The following IKZF3 variants were observed in gnomAD, a reference collection of about 807,000 sequenced individuals.
IKZF3 encodes zinc finger protein Aiolos.
A neutral mutation model predicts 49.0 loss-of-function variants in IKZF3; 10 were observed. The ratio of observed to expected loss-of-function variants is 0.20; its 90% CI spans 0.13 to 0.35. The LOEUF is 0.35. Ranked by LOEUF, IKZF3 falls within the 10% of genes least tolerant of loss-of-function variation. The probability of loss-of-function intolerance (pLI) is 1.00; values close to 1 mark genes in which losing one functional copy is unlikely to be tolerated. For synonymous variants in IKZF3, 209 were observed against 228.2 expected, an observed-to-expected ratio of 0.92 and a Z score of 0.76; for missense variants, 498 against 664.8, an observed-to-expected ratio of 0.75 and a Z score of 2.76.
At chr17:39,838,452 A>T (rs1227824820) in intron 1 of IKZF3, among the ~76,000 whole-genome samples, 1 of 152,080 alleles carries the variant, frequency 6.6e-6, no homozygotes, top group Non-Finnish European at 1.5e-5. Flanking sequence ...TTAGTTCTAG[A>T]ATTTCCATTT....
chr17:39,775,048 T>C (rs2060543807), intron 7 of IKZF3, among the ~76,000 whole-genome samples: 1 of 152,192 alleles, frequency 6.6e-6, no homozygotes, highest in South Asian at 2.1e-4. Context: ...CATCACCTAT[T>C]CAGTCTCCTC....
intron 1 of IKZF3, among the ~76,000 whole-genome samples, chr17:39,837,832 C>T (rs758147242): frequency 1.1e-4 from 16 of 151,300 alleles, no homozygotes; most frequent in African/African-American, 9.7e-5. Flanking sequence ...TTAGTAGAGA[C>T]GGGGTTTCAC....
chr17:39,828,886 G>A (rs550556935), intron 3 of IKZF3, among the ~76,000 whole-genome samples: 7 of 151,954 alleles, frequency 4.6e-5, no homozygotes, highest in Admixed American at 2.0e-4. Flanking sequence ...CTGTAATCTC[G>A]GCTATTTGGG....
intron 7 of IKZF3, among the ~76,000 whole-genome samples, chr17:39,774,198 A>G (rs1490903016): frequency 6.6e-6 from 1 of 152,056 alleles, no homozygotes; most frequent in African/African-American, 2.4e-5. Context: ...ACAGTTCAAG[A>G]GGTCAGGGAA....
chr17:39,816,635 T>C (rs928096406), intron 3 of IKZF3, among the ~76,000 whole-genome samples: 7 of 152,366 alleles, frequency 4.6e-5, no homozygotes, highest in Admixed American at 3.3e-4. Flanking sequence ...ACTAGGCTCC[T>C]GGGAATATAC....
At chr17:39,796,568 T>C (rs1301287437) in intron 3 of IKZF3, among the ~76,000 whole-genome samples, 1 of 148,202 alleles carries the variant, frequency 6.7e-6, no homozygotes, top group Non-Finnish European at 1.5e-5. Flanking sequence ...TGAGTCAGAG[T>C]CTCACTCTGT....
At chr17:39,859,078 G>A (rs2063145658) in intron 1 of IKZF3, among the ~76,000 whole-genome samples, 1 of 151,508 alleles carries the variant, frequency 6.6e-6, no homozygotes, top group African/African-American at 2.4e-5. Context: ...CAAAGTGCTG[G>A]GATTACAGGT....
At chr17:39,768,515 T>C (rs2060353194) in intron 7 of IKZF3, among the ~76,000 whole-genome samples, 1 of 152,184 alleles carries the variant, frequency 6.6e-6, no homozygotes, top group Non-Finnish European at 1.5e-5. Context: ...AGTGTGGTGG[T>C]TGAGAGAATA....
chr17:39,824,240 A>G (rs1382206636), intron 3 of IKZF3, among the ~76,000 whole-genome samples: 1 of 152,198 alleles, frequency 6.6e-6, no homozygotes, highest in Non-Finnish European at 1.5e-5. Flanking sequence ...CCGGACTTGC[A>G]TGGGGCTTGT....
intron 3 of IKZF3, among the ~76,000 whole-genome samples, chr17:39,829,019 T>C (rs966317268): frequency 1.3e-5 from 2 of 151,868 alleles, no homozygotes; most frequent in Non-Finnish European, 2.9e-5. Context: ...ATAATAATAA[T>C]AATTGAATTG....
chr17:39,850,347 CATATA>C (rs2062780432), intron 1 of IKZF3, among the ~76,000 whole-genome samples: 1 of 123,956 alleles, frequency 8.1e-6, no homozygotes, highest in African/African-American at 3.6e-5. Flanking sequence ...TATACATGTA[CATATA>C]ATATATAGCA....
In IKZF3 at chr17:39,761,580, A is replaced by ATATATAC. The variant is rs1491341504; in HGVS notation, c.*4209_*4210insGTATATA. ...TATACATACATATATATACATATACAAAAAAAATAAAAATAAATTAAAAAA... is the reference window on the plus strand; with the variant it reads ...TATACATACATATATATACATATACATATATACAAAAAAATAAAAATAAATTAAAAAA... On this transcript the variant is annotated 3_prime_UTR_variant, in exon 8 of 8. Coordinates refer to ENST00000346872, the MANE Select transcript of IKZF3 (RefSeq NM_012481.5). 4 of 151,110 alleles carry ATATATAC rather than the reference A, an allele frequency of 2.6e-5. No homozygotes were observed. The highest frequency in any genetic ancestry group is 9.8e-5 in the African/African-American group (4 of 40,978). 9.4% of individuals were successfully genotyped at this position (151,110 alleles called of 1,614,324 possible). A position where few individuals can be genotyped will look rare whatever the true frequency, so the allele number is the denominator to read the frequency against.
chr17:39,792,592 A>G (rs527980181), intron 4 of IKZF3, 81 bp downstream of exon 4: 499 of 1,440,842 alleles, frequency 3.5e-4, no homozygotes, highest in Non-Finnish European at 4.3e-4. Flanking sequence ...AGTAACCAAA[A>G]GTTCCAAATT....
chr17:39,801,237 T>A (rs1443137240), intron 3 of IKZF3, among the ~76,000 whole-genome samples: 1 of 151,112 alleles, frequency 6.6e-6, no homozygotes, highest in Non-Finnish European at 1.5e-5. Flanking sequence ...GTCAACTGGA[T>A]AACAAAGAAG....
chr17:39,863,540 A>G, intron 1 of IKZF3, among the ~76,000 whole-genome samples: 1 of 152,206 alleles, frequency 6.6e-6, no homozygotes, highest in East Asian at 1.9e-4. Context: ...AGAATGAAAA[A>G]TGTTTGAGAA....
intron 6 of IKZF3, among the ~76,000 whole-genome samples, chr17:39,784,669 C>T (rs2060830595): frequency 6.6e-6 from 1 of 152,110 alleles, no homozygotes; most frequent in South Asian, 2.1e-4. Context: ...CCCAAAGTGT[C>T]AGGATTACAG....
chr17:39,786,662 T>C (rs1242469304), intron 6 of IKZF3, among the ~76,000 whole-genome samples: 1 of 152,228 alleles, frequency 6.6e-6, no homozygotes, highest in African/African-American at 2.4e-5. Flanking sequence ...TCTTGCTTTG[T>C]TGCCCAGGTT....
intron 7 of IKZF3, among the ~76,000 whole-genome samples, chr17:39,766,771 A>G (rs2060304799): frequency 6.6e-6 from 1 of 152,154 alleles, no homozygotes; most frequent in South Asian, 2.1e-4. Context: ...TGCATGTTAG[A>G]GGAGAGCCCT....
intron 3 of IKZF3, among the ~76,000 whole-genome samples, chr17:39,805,754 G>T (rs2061419140): frequency 6.6e-6 from 1 of 152,170 alleles, no homozygotes; most frequent in South Asian, 2.1e-4. Flanking sequence ...CTTAACAGCT[G>T]CCCAGTAACA....
Sources: allele counts gnomAD v4.1 joint callset (sites outside exome capture counted in the v4.1 genomes callset), GRCh38; gene constraint gnomAD v4.1.1; transcripts MANE v1.5; gene names NCBI Gene and HGNC (gene_info 2026-07-23, HGNC 2026-07-21).